Variants in COL11A2 observed in about 807,000 individuals in gnomAD.
COL11A2 encodes the protein collagen type XI alpha 2 chain, also known as collagen alpha-2(XI) chain.
COL11A2 carries 116 observed loss-of-function variants against 273.4 expected under a neutral mutation model. That is an observed-to-expected ratio of 0.42 (90% confidence interval 0.36 to 0.49). COL11A2 has a LOEUF of 0.49. COL11A2 is among the 20% of genes least tolerant of loss of function. The probability of loss-of-function intolerance (pLI) is 0.00; values close to 1 mark genes in which losing one functional copy is unlikely to be tolerated. For synonymous variants in COL11A2, 782 were observed against 864.2 expected (o/e 0.90, Z 1.67); for missense variants, 1,866 against 2,309.0 (o/e 0.81, Z 3.93).
Position 33,170,027 on chromosome 6 carries a change from C to T in COL11A2, c.3636+20G>A, listed in dbSNP as rs552422097. 4.8e-5 allele frequency: 78 copies of T among 1,613,274 alleles called. No homozygotes were observed. The South Asian group carries it at 8.2e-4, about 17-fold the overall frequency. On this transcript the variant is annotated intron_variant, in intron 49 of 65. Transcript: ENST00000341947. This position sits in a 1 kb window ranked among gnomAD's most constrained non-coding sequence, Gnocchi z 4.3. Reference sequence around the variant, plus strand: ...ATCCCCCACTTCCATGACTGGTCCACTCACCCCCTTCCCAGTTACCTTCTC... The same window carrying T: ...ATCCCCCACTTCCATGACTGGTCCATTCACCCCCTTCCCAGTTACCTTCTC...
Position 33,180,240 on chromosome 6 carries a change from AC to A in COL11A2, c.1359+17del, listed in dbSNP as rs765250820. The A allele has an allele frequency of 8.4e-5, 136 of 1,611,546 alleles. 1 individual carries two copies. Among genetic ancestry groups the A allele is most frequent in the Non-Finnish European group, 1.1e-4 (134 of 1,178,880 alleles). ...GTCTTCCCCATCAGCATGTTCCAAA[AC>A]CCAAGAGACAACTCACTGGGAGCAT... On this transcript the variant is annotated intron_variant, in intron 12 of 65. Transcript: ENST00000341947.
chr6:33,182,668 G>A (rs1004109586), intron 8 of COL11A2, among the ~76,000 whole-genome samples: 1 of 151,270 alleles, frequency 6.6e-6, no homozygotes, highest in African/African-American at 2.4e-5. Context: ...CCAAGATCCT[G>A]CCACTGCACT....
chr6:33,168,395 C>T lies in COL11A2; in HGVS notation c.3960+124G>A, dbSNP rs1769502614. ...CCTTAAACCCACCAGCTCCTGCACACACACACACCCAGGGCAATGCAGACA... is the reference window on the plus strand; with the variant it reads ...CCTTAAACCCACCAGCTCCTGCACATACACACACCCAGGGCAATGCAGACA... On this transcript the variant is annotated intron_variant, in intron 54 of 65. Transcript: ENST00000341947. 3.6e-6 allele frequency: 4 copies of T among 1,100,900 alleles called. No individual in the cohort carries two copies. The Admixed American group carries it at 5.2e-5, about 14-fold the overall frequency. 68.2% of individuals were successfully genotyped at this position (1,100,900 alleles called of 1,614,324 possible). A position where few individuals can be genotyped will look rare whatever the true frequency, so the allele number is the denominator to read the frequency against.
In COL11A2 at chr6:33,172,558, G is replaced by C; in HGVS notation, c.2870C>G (p.Pro957Arg). The change falls in exon 39 of 66, where the codon CCT (proline) becomes CGT (arginine). Residue 957 changes from proline (P) to arginine (R), a missense_variant. Transcript: ENST00000341947. ...TGTTCCTTCTTTTCCAGCTGTCCCA[G>C]GTAGTCCCTGCTCTCCAGGGGGCCC... ...PPGPPGEQGL[P>R]GTAGKEGTKG... 1 of 1,612,482 alleles carries C rather than the reference G, an allele frequency of 6.2e-7. No individual in the cohort carries two copies. The highest frequency in any genetic ancestry group is 8.5e-7 in the Non-Finnish European group (1 of 1,179,864).
chr6:33,185,847 G>A, intron 5 of COL11A2, 69 bp from the exon 6 acceptor site: 1 of 524,260 alleles, frequency 1.9e-6, no homozygotes, highest in Non-Finnish European at 3.8e-6. Context: ...TGAAGGGCGG[G>A]AGAGGGAGAT....
rs374515005 is a variant in COL11A2, at chr6:33,170,061, G to C, written c.3622C>G (p.Pro1208Ala). ...TTCCCAGTTACCTTCTCTCCAGGGGGACCCAGGTTCCCAACACCTCCTGGG... is the reference window on the plus strand; with the variant it reads ...TTCCCAGTTACCTTCTCTCCAGGGGCACCCAGGTTCCCAACACCTCCTGGG... ...GPPGGVGNLG[P>A]PGEKGEPGES... Residue 1208 changes from proline (P) to alanine (A), a missense_variant, in exon 49 of 66, where the codon CCC becomes GCC. Coordinates refer to ENST00000341947, the MANE Select transcript of COL11A2 (RefSeq NM_080680.3). The surrounding 1 kb of genome is among the most constrained non-coding windows in gnomAD (Gnocchi z 4.3). The C allele has an allele frequency of 2.9e-5, 47 of 1,613,034 alleles. No homozygotes were observed. The African/African-American group carries it at 3.3e-4, about 11-fold the overall frequency.
intron 30 of COL11A2, 74 bp downstream of exon 30, chr6:33,175,500 G>C: frequency 8.0e-7 from 1 of 1,248,434 alleles, no homozygotes; most frequent in Non-Finnish European, 1.2e-6. Context: ...CTTCAGCGGC[G>C]GGCACCCATG....
Position 33,167,922 on chromosome 6 carries a change from G to A in COL11A2, c.3961-70C>T, listed in dbSNP as rs371231831. On this transcript the variant is annotated intron_variant, in intron 54 of 65. Coordinates refer to ENST00000341947, the MANE Select transcript of COL11A2 (RefSeq NM_080680.3). The surrounding 1 kb of genome is among the most constrained non-coding windows in gnomAD (Gnocchi z 6.1). ...CCAGGCTCAACTCTTCCCCCTTCCTGTCCTAGACACACACATACACATGCA... is the reference window on the plus strand; with the variant it reads ...CCAGGCTCAACTCTTCCCCCTTCCTATCCTAGACACACACATACACATGCA... The A allele has an allele frequency of 3.5e-3, 5,501 of 1,550,902 alleles. 208 individuals carry two copies. In the South Asian group the frequency reaches 0.058, roughly 16 times the overall value.
intron 40 of COL11A2, 28 bp downstream of exon 40, chr6:33,172,261 C>T: frequency 6.3e-7 from 1 of 1,585,494 alleles, no homozygotes; most frequent in Non-Finnish European, 8.6e-7. Context: ...GTGCTTGTGA[C>T]AGGCAGGGGT....
At position 33,169,566 on chromosome 6, in the gene COL11A2, C is replaced by T; in HGVS notation, c.3691-76G>A. ...GGATGCAGCCTCTGCTTCCGAGACA[C>T]CTTCAGCCATCCCCTACTCCCCTCA... On this transcript the variant is annotated intron_variant, in intron 50 of 65. Coordinates refer to ENST00000341947, the MANE Select transcript of COL11A2 (RefSeq NM_080680.3). The surrounding 1 kb of genome is among the most constrained non-coding windows in gnomAD (Gnocchi z 5.5). 7.0e-7 allele frequency: 1 copy of T among 1,419,040 alleles called. No homozygotes were observed. The highest frequency in any genetic ancestry group is 9.9e-7 in the Non-Finnish European group (1 of 1,011,780). The allele number at this position is 1,419,040 out of a possible 1,614,324, so 87.9% of individuals were successfully genotyped here.
At position 33,171,747 on chromosome 6, in the gene COL11A2, C is replaced by A. The variant is rs1554216943; in HGVS notation, c.3116G>T (p.Gly1039Val). The A allele has an allele frequency of 1.2e-6, 2 of 1,613,030 alleles. No homozygotes were observed. Residue 1039 changes from glycine (G) to valine (V), a missense_variant, in exon 42 of 66, where the codon GGT becomes GTT. Coordinates refer to ENST00000341947, the MANE Select transcript of COL11A2 (RefSeq NM_080680.3). The stretch of plus-strand genomic sequence containing the variant: ...TTTCTCTCCTGCTGCTCCAGGGGGA[C>A]CCTGCGGGCCTGGGCGCCCTGGCGG... ...IGPPGRPGPQ[G>V]PPGAAGEKGV...
In COL11A2 at chr6:33,179,718, C is replaced by T; in HGVS notation, c.1446+1G>A. The T allele has an allele frequency of 1.9e-6, 3 of 1,611,898 alleles. No homozygotes were observed. Among genetic ancestry groups the T allele is most frequent in the Non-Finnish European group, 2.5e-6 (3 of 1,180,000 alleles). ...CTTTCCAGGGAAGCAGCCCCACTCA[C>T]CCTCGCCTGCTGCAGGATCGCCTGG... On this transcript the variant is annotated splice_donor_variant, in intron 13 of 65. Transcript: ENST00000341947. LOFTEE classifies it high-confidence loss of function. The surrounding 1 kb of genome is among the most constrained non-coding windows in gnomAD (Gnocchi z 6.4).
chr6:33,167,367 C>A lies in COL11A2; in HGVS notation c.4123-50G>T. 6.2e-7 allele frequency: 1 copy of A among 1,612,446 alleles called. No homozygotes were observed. The highest frequency in any genetic ancestry group is 8.5e-7 in the Non-Finnish European group (1 of 1,179,528). The stretch of plus-strand genomic sequence containing the variant: ...GGTCAGGAGGAGCATCCCCACACTG[C>A]ACCCCTCCCATGGCCCCTCACTCCC... On this transcript the variant is annotated intron_variant, in intron 56 of 65. Transcript: ENST00000341947. The surrounding 1 kb of genome is among the most constrained non-coding windows in gnomAD (Gnocchi z 6.1).
At chr6:33,175,536 C>T (rs1197424935) in intron 30 of COL11A2, 38 bp downstream of exon 30, 2 of 1,585,698 alleles carry the variant, frequency 1.3e-6, no homozygotes, top group Non-Finnish European at 8.6e-7. Flanking sequence ...GTGCCCACAC[C>T]CCCAGAGGAC....
In COL11A2 at chr6:33,180,337, A is replaced by C; in HGVS notation, c.1285-5T>G. The C allele has an allele frequency of 6.2e-6, 10 of 1,611,724 alleles. No homozygotes were observed. Among genetic ancestry groups the C allele is most frequent in the Non-Finnish European group, 8.5e-6 (10 of 1,179,606 alleles). Reference sequence around the variant, plus strand: ...CCCTGCTCGGCCAGGGGGGCCCTGGAGTGGGAAGAGAATGCAAAAGATGGG... The same window carrying C: ...CCCTGCTCGGCCAGGGGGGCCCTGGCGTGGGAAGAGAATGCAAAAGATGGG... On this transcript the variant is annotated splice_polypyrimidine_tract_variant and splice_region_variant and intron_variant, in intron 11 of 65. Transcript: ENST00000341947.
chr6:33,180,692 G>A lies in COL11A2; in HGVS notation c.1260C>T (p.Gly420=), dbSNP rs779224706. ...IGPPGIQGNP[G]PVGDPGERGP... is the part of the protein sequence containing the mutation. ...CCCTCTCTCCAGGGTCTCCAACTGG[G>A]CCTGGGTTCCCCTGGATGCCAGGGG... Residue 420 remains glycine, a synonymous_variant, in exon 11 of 66, where the codon GGC becomes GGT. Transcript: ENST00000341947. The A allele has an allele frequency of 5.0e-6, 8 of 1,610,776 alleles. No individual in the cohort carries two copies. Among genetic ancestry groups the A allele is most frequent in the Non-Finnish European group, 5.9e-6 (7 of 1,179,088 alleles).
chr6:33,176,018 T>G lies in COL11A2; in HGVS notation c.2266A>C (p.Arg756=), dbSNP rs138083769. The G allele has an allele frequency of 1.2e-4, 196 of 1,613,058 alleles. No individual in the cohort carries two copies. In the African/African-American group the frequency reaches 1.9e-3, roughly 15 times the overall value. Residue 756 remains arginine (R), a splice_region_variant and synonymous_variant, in exon 29 of 66, where the codon AGG becomes CGG. Coordinates refer to ENST00000341947, the MANE Select transcript of COL11A2 (RefSeq NM_080680.3). This position sits in a 1 kb window ranked among gnomAD's most constrained non-coding sequence, Gnocchi z 4.9. ...GCCAGTGTGGGGTCTCTACTCACCC[T>G]GTCACCTTTCACGCCTATGTCACCT... ...FKGDIGVKGD[R]GEVGVPGSRG...
In COL11A2 at chr6:33,192,441, C is replaced by T. The variant is rs1799906; in HGVS notation, c.-201G>A. On this transcript the variant is annotated 5_prime_UTR_variant, in exon 1 of 66. Coordinates refer to ENST00000341947, the MANE Select transcript of COL11A2 (RefSeq NM_080680.3). ...GCCGTCGGGGCTCCCGGCACTGCTC[C>T]CTCCTCGGTGGCTGCCGCTTCTGTG... 3.3e-6 allele frequency: 2 copies of T among 606,410 alleles called. No individual in the cohort carries two copies. Among genetic ancestry groups the T allele is most frequent in the Non-Finnish European group, 5.9e-6 (2 of 341,408 alleles). The allele number at this position is 606,410 out of a possible 1,614,324, so 37.6% of individuals were successfully genotyped here.
In COL11A2 at chr6:33,176,819, C is replaced by G. The variant is rs555835525; in HGVS notation, c.2071-54G>C. The G allele has an allele frequency of 1.3e-6, 2 of 1,586,970 alleles. No homozygotes were observed. The highest frequency in any genetic ancestry group is 4.5e-5 in the East Asian group (2 of 44,566). On this transcript the variant is annotated intron_variant, in intron 25 of 65. Transcript: ENST00000341947. This position sits in a 1 kb window ranked among gnomAD's most constrained non-coding sequence, Gnocchi z 4.9. ...AGTGGCCCCTGTCACCCTCTCTGCA[C>G]CCCTCCCTACACTTCTTCCAACCCA...
Sources: allele counts gnomAD v4.1 joint callset (sites outside exome capture counted in the v4.1 genomes callset), GRCh38; gene constraint gnomAD v4.1.1; non-coding constraint Gnocchi (gnomAD v3.1); transcripts MANE v1.5; gene names NCBI Gene and HGNC (gene_info 2026-07-23, HGNC 2026-07-21).